The following ADGRD1 variants were observed in gnomAD, a reference collection of about 807,000 sequenced individuals.
ADGRD1 encodes adhesion G protein-coupled receptor D1, also known as G-protein coupled receptor 133.
ADGRD1 carries 77 observed loss-of-function variants against 113.4 expected under a neutral mutation model. The ratio of observed to expected loss-of-function variants is 0.68; its 90% CI spans 0.57 to 0.82. ADGRD1 has a LOEUF of 0.82. Ranked by LOEUF, ADGRD1 falls within the 40% of genes least tolerant of loss-of-function variation. ADGRD1 has a pLI of 0.00. For synonymous variants in ADGRD1, 474 were observed against 475.0 expected (o/e 1.00, Z 0.03); for missense variants, 1,036 against 1,139.1 (o/e 0.91, Z 1.30).
At chr12:131,127,644 G>A (rs113443089) in intron 20 of ADGRD1, among the ~76,000 whole-genome samples, 1 of 145,768 alleles carries the variant, frequency 6.9e-6, no homozygotes, top group African/African-American at 2.6e-5. Flanking sequence ...TGGGGTGTTG[G>A]TTGGGTTGGT....
intron 5 of ADGRD1, chr12:130,986,789 T>C: frequency 2.9e-6 from 1 of 341,754 alleles, no homozygotes. Context: ...GCCCTGCCAT[T>C]TTTCAAATAT....
In ADGRD1 at chr12:131,002,893, C is replaced by T; in HGVS notation, c.1027-292C>T. 18 of 1,055,530 alleles carry T rather than the reference C, an allele frequency of 1.7e-5. No individual in the cohort carries two copies. The South Asian group carries it at 2.8e-4, about 16-fold the overall frequency. 65.4% of individuals were successfully genotyped at this position (1,055,530 alleles called of 1,614,324 possible). ...TCCCTCTGTGAGTTCAGGGAGGAGG[C>T]AGGACCAGGAGTTGGGTCCCCTCAG... is the stretch of plus-strand genomic sequence containing the variant. On this transcript the variant is annotated intron_variant, in intron 9 of 24. Coordinates refer to ENST00000261654, the MANE Select transcript of ADGRD1 (RefSeq NM_198827.5).
At chr12:130,968,275 A>G (rs1328792265) in intron 3 of ADGRD1, 8 of 152,278 alleles carry the variant, frequency 5.3e-5, no homozygotes, top group Admixed American at 5.2e-4. Context: ...TGCTCCCTGA[A>G]TATATTGACT....
At chr12:130,994,286 C>T (rs189173961) in intron 8 of ADGRD1, 11 of 449,450 alleles carry the variant, frequency 2.4e-5, no homozygotes, top group Admixed American at 1.4e-4. Context: ...TTTATTAATA[C>T]GAACACTCTT....
intron 15 of ADGRD1, among the ~76,000 whole-genome samples, chr12:131,087,506 CG>C (rs1266598469): frequency 6.6e-6 from 1 of 152,224 alleles, no homozygotes; most frequent in African/African-American, 2.4e-5. Flanking sequence ...CCTTGCGTGC[CG>C]GGGCTTTCCG....
At chr12:130,963,313 C>A (rs1410977487) in intron 2 of ADGRD1, among the ~76,000 whole-genome samples, 2 of 97,564 alleles carry the variant, frequency 2.0e-5, no homozygotes, top group East Asian at 5.6e-4. Flanking sequence ...GAGCCAGACT[C>A]CGTCTCAAAA....
At chr12:131,108,597 C>A in intron 17 of ADGRD1, 127 bp from the exon 18 acceptor site, 1 of 1,324,820 alleles carries the variant, frequency 7.5e-7, no homozygotes. Flanking sequence ...GGAAGATACC[C>A]TGGGAAGAAA....
intron 2 of ADGRD1, among the ~76,000 whole-genome samples, chr12:130,955,531 T>C (rs866511133): frequency 6.6e-6 from 1 of 152,154 alleles, no homozygotes; most frequent in Non-Finnish European, 1.5e-5. Context: ...GCACACGTTC[T>C]GGTCAGCCAG....
chr12:131,007,565 G>A (rs906131654), intron 12 of ADGRD1, among the ~76,000 whole-genome samples: 3 of 152,154 alleles, frequency 2.0e-5, no homozygotes, highest in Non-Finnish European at 2.9e-5. Context: ...CTGTCCTCAC[G>A]GACCCAGGTG....
At chr12:130,996,297 C>A (rs2136683012) in intron 8 of ADGRD1, among the ~76,000 whole-genome samples, 2 of 146,860 alleles carry the variant, frequency 1.4e-5, no homozygotes, top group South Asian at 4.3e-4. Context: ...TTGGGTACAC[C>A]TCCCAGACGG....
chr12:131,115,417 G>T, intron 18 of ADGRD1, among the ~76,000 whole-genome samples: 1 of 152,198 alleles, frequency 6.6e-6, no homozygotes, highest in East Asian at 1.9e-4. Flanking sequence ...GTGCCCGCGT[G>T]TGGGGCATCT....
intron 14 of ADGRD1, among the ~76,000 whole-genome samples, chr12:131,080,353 A>G (rs1885966964): frequency 6.6e-6 from 1 of 152,054 alleles, no homozygotes; most frequent in African/African-American, 2.4e-5. Flanking sequence ...GTATAATTTT[A>G]GTTCTTTTAA....
chr12:131,107,074 T>C (rs1461555305), intron 17 of ADGRD1, among the ~76,000 whole-genome samples: 1 of 152,228 alleles, frequency 6.6e-6, no homozygotes, highest in Non-Finnish European at 1.5e-5. Context: ...TCCAGGTGTC[T>C]ATAATCCCAG....
intron 13 of ADGRD1, among the ~76,000 whole-genome samples, chr12:131,019,776 T>C (rs1794047997): frequency 6.6e-6 from 1 of 152,040 alleles, no homozygotes; most frequent in Non-Finnish European, 1.5e-5. Context: ...AGGGAGATGC[T>C]CCAGGGAAGG....
intron 18 of ADGRD1, 99 bp from the exon 19 acceptor site, chr12:131,118,286 G>C: frequency 2.5e-6 from 2 of 806,496 alleles, no homozygotes; most frequent in Non-Finnish European, 4.2e-6. Flanking sequence ...CATGTATGAG[G>C]TGTACAAGGA....
chr12:131,002,966 G>C, intron 9 of ADGRD1: 1 of 722,038 alleles, frequency 1.4e-6, no homozygotes, highest in Non-Finnish European at 2.3e-6. Flanking sequence ...TGGCTGGGGT[G>C]ATGGGTCCAC....
chr12:131,094,025 G>A (rs79314840), intron 15 of ADGRD1, among the ~76,000 whole-genome samples: 70 of 77,572 alleles, frequency 9.0e-4, no homozygotes, highest in Non-Finnish European at 1.4e-3. Context: ...AGCACCCAGC[G>A]TCAGCACCCA....
At chr12:131,035,847 G>A (rs998191800) in intron 13 of ADGRD1, among the ~76,000 whole-genome samples, 1 of 152,168 alleles carries the variant, frequency 6.6e-6, no homozygotes, top group Admixed American at 6.5e-5. Flanking sequence ...CGTTTTATAA[G>A]TGGAAATTAT....
chr12:131,053,632 C>G (rs1007323942), intron 13 of ADGRD1, among the ~76,000 whole-genome samples: 1 of 152,140 alleles, frequency 6.6e-6, no homozygotes. Context: ...TGGTGCTAAT[C>G]AACATGGATA....
Sources: allele counts gnomAD v4.1 joint callset (sites outside exome capture counted in the v4.1 genomes callset), GRCh38; gene constraint gnomAD v4.1.1; transcripts MANE v1.5; gene names NCBI Gene and HGNC (gene_info 2026-07-23, HGNC 2026-07-21).